EZH1: variants seen among roughly 807,000 people sequenced by gnomAD.
The protein encoded by EZH1 is enhancer of zeste 1 polycomb repressive complex 2 subunit.
A neutral mutation model predicts 100.5 loss-of-function variants in EZH1; 33 were observed. That is an observed-to-expected ratio of 0.33 (90% CI 0.25 to 0.44). EZH1 has a LOEUF of 0.44. EZH1 is among the 20% of genes least tolerant of loss of function. The probability of loss-of-function intolerance (pLI) is 1.00; values close to 1 mark genes in which losing one functional copy is unlikely to be tolerated. For synonymous variants in EZH1, 272 were observed against 313.8 expected (o/e 0.87, Z 1.41); for missense variants, 475 against 928.4 (o/e 0.51, Z 6.35).
chr17:42,704,789 G>T, intron 17 of EZH1, 106 bp from the exon 18 acceptor site: 1 of 819,980 alleles, frequency 1.2e-6, no homozygotes, highest in Non-Finnish European at 2.0e-6. Context: ...GGTGCTTACT[G>T]AGCATCATGA....
At chr17:42,744,465 GCGACCCTGAGTCAGTGCTC>G (rs1474310660) in intron 1 of EZH1, among the ~76,000 whole-genome samples, 1 of 152,238 alleles carries the variant, frequency 6.6e-6, no homozygotes, top group East Asian at 1.9e-4. Context: ...CTGCACTTGC[GCGACCCTGAGTCAGTGCTC>G]CTTTACACTT....
At chr17:42,704,047 C>T (rs186262381) in intron 18 of EZH1, among the ~76,000 whole-genome samples, 237 of 152,276 alleles carry the variant, frequency 1.6e-3, no homozygotes, top group African/African-American at 5.6e-3. Context: ...TTCTCATCTA[C>T]TGGGCAGGGA....
At chr17:42,742,316 T>C (rs189522603) in intron 1 of EZH1, among the ~76,000 whole-genome samples, 14 of 152,202 alleles carry the variant, frequency 9.2e-5, no homozygotes, top group African/African-American at 2.6e-4. Context: ...TAATTTTTTG[T>C]ATTTTTAGTA....
chr17:42,737,633 C>G (rs956120102), intron 1 of EZH1, among the ~76,000 whole-genome samples: 8 of 151,948 alleles, frequency 5.3e-5, no homozygotes, highest in African/African-American at 1.9e-4. Context: ...ACAAACTATT[C>G]TTTCTTTTTT....
At chr17:42,733,956 A>T (rs1363288255) in intron 1 of EZH1, among the ~76,000 whole-genome samples, 1 of 151,734 alleles carries the variant, frequency 6.6e-6, no homozygotes, top group Non-Finnish European at 1.5e-5. Context: ...AAAAAAAAAA[A>T]AAAAATCATC....
intron 4 of EZH1, among the ~76,000 whole-genome samples, chr17:42,726,638 AG>A (rs748825728): frequency 4.0e-5 from 6 of 151,740 alleles, no homozygotes; most frequent in Non-Finnish European, 7.4e-5. Flanking sequence ...CAGCCTCCCT[AG>A]TAGCTGGGAT....
chr17:42,714,892 T>A (rs2053562682), intron 10 of EZH1, among the ~76,000 whole-genome samples: 1 of 138,028 alleles, frequency 7.2e-6, no homozygotes, highest in African/African-American at 2.7e-5. Flanking sequence ...ATATAATATA[T>A]AATATGGAAA....
chr17:42,707,879 G>A (rs2053391193), intron 15 of EZH1, 79 bp downstream of exon 15: 1 of 1,576,418 alleles, frequency 6.3e-7, no homozygotes, highest in East Asian at 2.3e-5. Flanking sequence ...AGCAGTAAAG[G>A]GCACAGGAAT....
chr17:42,709,995 C>T (rs752900022), intron 12 of EZH1, 58 bp from the exon 13 acceptor site: 36 of 1,500,652 alleles, frequency 2.4e-5, no homozygotes, highest in Non-Finnish European at 3.3e-5. Context: ...AGGTAAGTGG[C>T]CCAGCTGGGT....
intron 11 of EZH1, 94 bp downstream of exon 11, chr17:42,713,115 T>C: frequency 9.3e-7 from 1 of 1,070,308 alleles, no homozygotes; most frequent in Non-Finnish European, 1.4e-6. Context: ...TTATAATTTT[T>C]AAGAGGTAGT....
chr17:42,736,068 T>C (rs1009294348), intron 1 of EZH1, among the ~76,000 whole-genome samples: 12 of 152,092 alleles, frequency 7.9e-5, no homozygotes, highest in Non-Finnish European at 1.8e-4. Flanking sequence ...GGTTGCTCCA[T>C]ATCATTAGTC....
rs1156867481 is a variant in EZH1 at position 42,730,487 on chromosome 17, C to CTTT, written c.-12+338_-12+340dup. Among the ~76,000 whole-genome samples, 282 of 66,666 alleles carry CTTT rather than the reference C, an allele frequency of 4.2e-3. 62 individuals are homozygous for CTTT. The highest frequency in any genetic ancestry group is 0.01 in the African/African-American group (181 of 17,388). The allele number at this position is 66,666 out of a possible 152,430, so 43.7% of individuals were successfully genotyped here. On this transcript the variant is annotated intron_variant, in intron 2 of 20. Transcript: ENST00000428826. The stretch of plus-strand genomic sequence containing the variant: ...TCAACGTTTTAAAGAAGTATGTATT[C>CTTT]TTTTTTTTTTTTTTTTTTTTTTTTT...
rs1294071836 is a variant in EZH1, at chr17:42,722,784, A to C, written c.487+11T>G. ...TAACAAAATTTTCTCCAAGGAGTTC[A>C]GTACCACTACCTTCTTCACCATGGA... is the stretch of plus-strand genomic sequence containing the variant. On this transcript the variant is annotated intron_variant, in intron 6 of 20. Transcript: ENST00000428826. 6.2e-7 allele frequency: 1 copy of C among 1,610,894 alleles called. No individual in the cohort carries two copies. The highest frequency in any genetic ancestry group is 8.5e-7 in the Non-Finnish European group (1 of 1,179,158).
chr17:42,740,324 C>T (rs1350962176), intron 1 of EZH1, among the ~76,000 whole-genome samples: 1 of 151,814 alleles, frequency 6.6e-6, no homozygotes, highest in African/African-American at 2.4e-5. Flanking sequence ...ACTGCAACCT[C>T]CGCCTCCCGG....
intron 1 of EZH1, among the ~76,000 whole-genome samples, chr17:42,735,217 G>A (rs2054043457): frequency 6.6e-6 from 1 of 151,980 alleles, no homozygotes; most frequent in Non-Finnish European, 1.5e-5. Context: ...TTGAGGCCAG[G>A]AGCTCGAGAC....
chr17:42,705,822 A>G, intron 16 of EZH1, 185 bp downstream of exon 16: 1 of 605,396 alleles, frequency 1.7e-6, no homozygotes, highest in Non-Finnish European at 2.5e-6. Flanking sequence ...CTGGCCAGGA[A>G]CCATTTTTCT....
chr17:42,739,435 T>C (rs1269698196), intron 1 of EZH1, among the ~76,000 whole-genome samples: 3 of 152,240 alleles, frequency 2.0e-5, no homozygotes, highest in Non-Finnish European at 4.4e-5. Flanking sequence ...GTTGCTTAAT[T>C]AAGAGAATCA....
At chr17:42,715,185 C>A (rs9916610) in intron 10 of EZH1, among the ~76,000 whole-genome samples, 1 of 137,790 alleles carries the variant, frequency 7.3e-6, no homozygotes, top group South Asian at 2.1e-4. Context: ...TAATATATAT[C>A]ATAGATTATA....
intron 12 of EZH1, among the ~76,000 whole-genome samples, chr17:42,710,558 G>A (rs2053456683): frequency 6.6e-6 from 1 of 151,580 alleles, no homozygotes; most frequent in African/African-American, 2.4e-5. Context: ...GAGAACCTGT[G>A]ATCAGGGAAA....
Sources: allele counts gnomAD v4.1 joint callset (sites outside exome capture counted in the v4.1 genomes callset), GRCh38; gene constraint gnomAD v4.1.1; transcripts MANE v1.5; gene names NCBI Gene and HGNC (gene_info 2026-07-23, HGNC 2026-07-21).